The following LMNB2 variants were observed in gnomAD, a reference collection of about 807,000 sequenced individuals.
LMNB2 encodes lamin B2.
A neutral mutation model predicts 69.3 loss-of-function variants in LMNB2; 17 were observed. The observed-to-expected ratio is 0.25, with a 90% CI of 0.17 to 0.37. LMNB2 has a LOEUF of 0.37. Among genes scored for constraint, LMNB2 ranks in the 10% least tolerant of loss-of-function variants. The pLI is 1.00. For synonymous variants in LMNB2, 397 were observed against 389.3 expected, an observed-to-expected ratio of 1.02 and a Z score of -0.23; for missense variants, 789 against 883.6, an observed-to-expected ratio of 0.89 and a Z score of 1.36.
intron 2 of LMNB2, among the ~76,000 whole-genome samples, chr19:2,439,290 G>T (rs749693387): frequency 1.3e-5 from 2 of 151,986 alleles, no homozygotes; most frequent in Non-Finnish European, 2.9e-5. Context: ...GGACACCCAG[G>T]GTTCCGCAGC....
chr19:2,432,633 G>C, intron 8 of LMNB2, 110 bp from the exon 9 acceptor site: 1 of 869,440 alleles, frequency 1.2e-6, no homozygotes, highest in Non-Finnish European at 1.9e-6. Context: ...CCACCAGCTA[G>C]GTCACCCCAT....
intron 4 of LMNB2, among the ~76,000 whole-genome samples, chr19:2,436,148 T>C (rs909731598): frequency 6.6e-6 from 1 of 152,078 alleles, no homozygotes; most frequent in Admixed American, 6.5e-5. Context: ...GTCGGGTTGG[T>C]GGCACCCGCC....
At position 2,435,009 on chromosome 19, in the gene LMNB2, G is replaced by C. The variant is rs776966948; in HGVS notation, c.847C>G (p.Gln283Glu). 18 of 1,607,354 alleles carry C rather than the reference G, an allele frequency of 1.1e-5. No homozygotes were observed. The highest frequency in any genetic ancestry group is 4.5e-5 in the East Asian group (2 of 44,836). The change falls in exon 5 of 12, where the codon CAG becomes GAG. Residue 283 changes from glutamine (Q) to glutamate (E), a missense_variant. This residue lies in a region of LMNB2 where 609 missense variants were observed against 630.9 expected (regional missense o/e 0.97). Coordinates refer to ENST00000325327, the MANE Select transcript of LMNB2 (RefSeq NM_032737.4). ...CCGCCTGCCGGCCACACCTTGGCCTGGTAGGTCTGCTCCAGCTCCAGCTTG... is the reference window on the plus strand; with the variant it reads ...CCGCCTGCCGGCCACACCTTGGCCTCGTAGGTCTGCTCCAGCTCCAGCTTG... ...LYKLELEQTY[Q>E]AKLDSAKLSS...
chr19:2,439,530 T>A (rs943121807), intron 2 of LMNB2, among the ~76,000 whole-genome samples: 2 of 152,098 alleles, frequency 1.3e-5, no homozygotes, highest in Non-Finnish European at 2.9e-5. Flanking sequence ...CAACCACAAG[T>A]GTCCCCAGGA....
chr19:2,450,104 A>G (rs920707650), intron 1 of LMNB2, among the ~76,000 whole-genome samples: 4 of 131,760 alleles, frequency 3.0e-5, no homozygotes, highest in Non-Finnish European at 4.8e-5. Context: ...ACATATACAT[A>G]TACATATATA....
intron 4 of LMNB2, among the ~76,000 whole-genome samples, chr19:2,435,508 T>A: frequency 6.6e-6 from 1 of 152,006 alleles, no homozygotes; most frequent in Non-Finnish European, 1.5e-5. Flanking sequence ...GACAGGCCCA[T>A]CCACAGAGAC....
chr19:2,435,032 T>A lies in LMNB2; in HGVS notation c.824A>T (p.Lys275Met). Residue 275 changes from lysine to methionine, a missense_variant, in exon 5 of 12, where the codon AAG becomes ATG. Physicochemically the swap from Lys to Met is moderately conservative, Grantham distance 95 (BLOSUM62 -1). Around this residue, in one of 3 missense-constraint regions of LMNB2, gnomAD observed 609 missense variants for 630.9 expected, o/e 0.97. Transcript: ENST00000325327. ...SQHDEQVRLY[K>M]LELEQTYQAK... The stretch of plus-strand genomic sequence containing the variant: ...CTGGTAGGTCTGCTCCAGCTCCAGC[T>A]TGTAGAGCCGCACTTGCTCGTCGTG... The A allele has an allele frequency of 6.2e-7, 1 of 1,604,988 alleles. No individual in the cohort carries two copies. The highest frequency in any genetic ancestry group is 2.3e-5 in the East Asian group (1 of 44,366).
chr19:2,441,910 C>T (rs1193701326), intron 2 of LMNB2, among the ~76,000 whole-genome samples: 4 of 152,214 alleles, frequency 2.6e-5, no homozygotes, highest in South Asian at 2.1e-4. Context: ...AGGACTGGAG[C>T]GGAGATCGGG....
In LMNB2 at chr19:2,453,469, C is replaced by T. The variant is rs1192932804; in HGVS notation, c.264+3201G>A. Among the ~76,000 whole-genome samples, 3 of 152,024 alleles carry T rather than the reference C, an allele frequency of 2.0e-5. No individual in the cohort carries two copies. The East Asian group carries it at 5.8e-4, about 29-fold the overall frequency. Reference sequence around the variant, plus strand: ...ACATGACGTCCCCCCACCAGCGGCCCCCACCCCAGCAGGCTTCCAACTCTG... The same window carrying T: ...ACATGACGTCCCCCCACCAGCGGCCTCCACCCCAGCAGGCTTCCAACTCTG... On this transcript the variant is annotated intron_variant, in intron 1 of 11. Coordinates refer to ENST00000325327, the MANE Select transcript of LMNB2 (RefSeq NM_032737.4). This position sits in a 1 kb window ranked among gnomAD's most constrained non-coding sequence, Gnocchi z 4.4.
intron 4 of LMNB2, chr19:2,437,236 C>T (rs1321040829): frequency 5.2e-5 from 8 of 152,524 alleles, no homozygotes; most frequent in Admixed American, 5.2e-4. Flanking sequence ...CCTTTCCTCC[C>T]CACTCCCCTC....
intron 1 of LMNB2, among the ~76,000 whole-genome samples, chr19:2,454,185 C>T (rs577797427): frequency 2.0e-5 from 3 of 150,162 alleles, no homozygotes; most frequent in East Asian, 4.0e-4. Flanking sequence ...CCCAGCTACT[C>T]GGGAGACGGG....
rs373940127 is a variant in LMNB2 at position 2,434,462 on chromosome 19, C to A, written c.1035G>T (p.Glu345Asp). ...IRELEEAMAG[E>D]RDKFRKMLDA... ...CCAGCATCTTCCGGAACTTGTCCCGCTCCCCGGCCATGGCCTCCTCCAGCT... is the reference window on the plus strand; with the variant it reads ...CCAGCATCTTCCGGAACTTGTCCCGATCCCCGGCCATGGCCTCCTCCAGCT... Residue 345 changes from glutamate to aspartate, a missense_variant, in exon 7 of 12, where the codon GAG (glutamate) becomes GAT (aspartate). Coordinates refer to ENST00000325327, the MANE Select transcript of LMNB2 (RefSeq NM_032737.4). 3.1e-6 allele frequency: 5 copies of A among 1,613,258 alleles called. No homozygotes were observed. In the African/African-American group the frequency reaches 6.7e-5, roughly 22 times the overall value.
chr19:2,444,276 TG>T, intron 2 of LMNB2, 127 bp downstream of exon 2: 1 of 1,077,566 alleles, frequency 9.3e-7, no homozygotes, highest in South Asian at 1.3e-5. Flanking sequence ...GGAGAGAGGA[TG>T]GGAGCTGTGA....
chr19:2,435,296 C>T (rs1599332747), intron 4 of LMNB2, 125 bp from the exon 5 acceptor site: 1 of 1,343,326 alleles, frequency 7.4e-7, no homozygotes. Flanking sequence ...GCACAAGTTA[C>T]AAACCGATAC....
Position 2,453,281 on chromosome 19 carries a change from G to A in LMNB2, c.264+3389C>T, listed in dbSNP as rs1217300796. ...AGAGGCCCTGCTGTCCAGGTGACCT[G>A]CATGCTCTTAGGCCTGACACCCCAG... On this transcript the variant is annotated intron_variant, in intron 1 of 11. Coordinates refer to ENST00000325327, the MANE Select transcript of LMNB2 (RefSeq NM_032737.4). This position sits in a 1 kb window ranked among gnomAD's most constrained non-coding sequence, Gnocchi z 4.4. 6.6e-6 allele frequency among the ~76,000 whole-genome samples: 1 copy of A among 152,118 alleles called. No homozygotes were observed. The highest frequency in any genetic ancestry group is 2.4e-5 in the African/African-American group (1 of 41,406).
chr19:2,433,812 G>C lies in LMNB2; in HGVS notation c.1482+14C>G. On this transcript the variant is annotated intron_variant, in intron 8 of 11. Coordinates refer to ENST00000325327, the MANE Select transcript of LMNB2 (RefSeq NM_032737.4). ...GTCACCCCGTTACCCCCATGCCCCG[G>C]TCTTTCCGGTCACCTTGTCCGAGTT... 1 of 1,613,090 alleles carries C rather than the reference G, an allele frequency of 6.2e-7. No individual in the cohort carries two copies. The highest frequency in any genetic ancestry group is 8.5e-7 in the Non-Finnish European group (1 of 1,179,838).
At chr19:2,439,072 C>T (rs112611349) in intron 2 of LMNB2, among the ~76,000 whole-genome samples, 16 of 101,064 alleles carry the variant, frequency 1.6e-4, no homozygotes, top group African/African-American at 7.0e-4. Context: ...TTTTAAGAGA[C>T]AGGGGTTCAC....
At chr19:2,441,723 AGGTTGCCTGGG>A (rs938400935) in intron 2 of LMNB2, among the ~76,000 whole-genome samples, 3 of 152,180 alleles carry the variant, frequency 2.0e-5, no homozygotes, top group African/African-American at 7.2e-5. Context: ...ACCAGACAGG[AGGTTGCCTGGG>A]GGCAGGGCTG....
rs559301030 is a variant in LMNB2, at chr19:2,438,422, G to A, written c.511C>T (p.Arg171Cys). ...VELAAALSDK[R>C]GLESDVAELR... ...TCAGCCACGTCACTCTCCAGGCCGC[G>A]CTTGTCGCTGAGGGCAGCTGCCAGC... The change falls in exon 3 of 12, where the codon CGC becomes TGC. Residue 171 changes from arginine (R) to cysteine (C), a missense_variant. Physicochemically the swap from Arg to Cys is radical, Grantham distance 180. Around this residue, in one of 3 missense-constraint regions of LMNB2, gnomAD observed 145 missense variants for 228.9 expected, o/e 0.63. Transcript: ENST00000325327. 218 of 1,612,692 alleles carry A rather than the reference G, an allele frequency of 1.4e-4. 3 individuals are homozygous for A. In the South Asian group the frequency reaches 2.1e-3, roughly 16 times the overall value.
Sources: gnomAD v4.1 joint callset for allele counts (sites outside exome capture counted in the v4.1 genomes callset) on GRCh38, gnomAD v4.1.1 for gene constraint, gnomAD v4.1.1 regional missense constraint, Gnocchi (gnomAD v3.1) non-coding constraint, MANE v1.5 for transcripts, NCBI Gene and HGNC (gene_info 2026-07-23, HGNC 2026-07-21) for gene names.